MAD1L1: variants seen among roughly 807,000 people sequenced by gnomAD.
The protein encoded by MAD1L1 is mitotic spindle assembly checkpoint protein MAD1.
A neutral mutation model predicts 96.9 loss-of-function variants in MAD1L1; 95 were observed. That is an observed-to-expected ratio of 0.98 (90% confidence interval 0.83 to 1.16). MAD1L1 has a LOEUF of 1.16. MAD1L1 is among the 50% of genes most tolerant of loss of function. The pLI is 0.00. For synonymous variants in MAD1L1, 473 were observed against 396.6 expected (o/e 1.19, Z -2.29); for missense variants, 1,007 against 954.4 (o/e 1.06, Z -0.73).
chr7:1,821,885 C>G (rs2128620791), intron 18 of MAD1L1, among the ~76,000 whole-genome samples: 1 of 152,286 alleles, frequency 6.6e-6, no homozygotes, highest in South Asian at 2.1e-4. Context: ...GCTTTCCCCA[C>G]TCATCCTCAA....
Position 1,939,901 on chromosome 7 carries a change from G to C in MAD1L1, c.1597-3004C>G, listed in dbSNP as rs533059655. On this transcript the variant is annotated intron_variant, in intron 16 of 18. Coordinates refer to ENST00000265854, the MANE Select transcript of MAD1L1 (RefSeq NM_001013836.2). ...GAGCTCATCAGCCATGGGCAATCGTGGTCCCAGAGCCCAGAATGTGCCTCC... is the reference window on the plus strand; with the variant it reads ...GAGCTCATCAGCCATGGGCAATCGTCGTCCCAGAGCCCAGAATGTGCCTCC... 3.3e-5 allele frequency among the ~76,000 whole-genome samples: 5 copies of C among 152,328 alleles called. No homozygotes were observed. The East Asian group carries it at 9.7e-4, about 29-fold the overall frequency.
At chr7:2,183,359 A>C (rs1168730961) in intron 10 of MAD1L1, among the ~76,000 whole-genome samples, 1 of 152,222 alleles carries the variant, frequency 6.6e-6, no homozygotes, top group Non-Finnish European at 1.5e-5. Context: ...ATCCAGAATA[A>C]AGAACTTGGA....
At chr7:2,100,382 C>T (rs1168443006) in intron 11 of MAD1L1, among the ~76,000 whole-genome samples, 3 of 152,228 alleles carry the variant, frequency 2.0e-5, no homozygotes, top group African/African-American at 7.2e-5. Context: ...CACAGCCAGG[C>T]GCTTCTGAGC....
chr7:2,011,895 G>A (rs1203810074), intron 13 of MAD1L1, among the ~76,000 whole-genome samples: 1 of 152,186 alleles, frequency 6.6e-6, no homozygotes, highest in Non-Finnish European at 1.5e-5. Flanking sequence ...GGTACCCAGG[G>A]GGATGGGCAG....
chr7:2,230,915 C>A (rs973751286), intron 1 of MAD1L1, among the ~76,000 whole-genome samples, 188 bp from the exon 2 acceptor site: 2 of 152,212 alleles, frequency 1.3e-5, no homozygotes, highest in Admixed American at 6.5e-5. Context: ...ACACCCTCAA[C>A]AGGCACACCC....
chr7:1,950,061 G>A (rs1482045383), intron 16 of MAD1L1, among the ~76,000 whole-genome samples: 1 of 149,576 alleles, frequency 6.7e-6, no homozygotes, highest in Non-Finnish European at 1.5e-5. Flanking sequence ...TACTTGAGGG[G>A]ACAGCAGAGA....
intron 10 of MAD1L1, among the ~76,000 whole-genome samples, chr7:2,188,364 G>A (rs1321205287): frequency 2.0e-5 from 3 of 152,070 alleles, no homozygotes; most frequent in Non-Finnish European, 4.4e-5. Context: ...GAATCTCAAG[G>A]GACCCAAAGG....
At chr7:1,860,069 G>A (rs1441993510) in intron 18 of MAD1L1, among the ~76,000 whole-genome samples, 3 of 149,080 alleles carry the variant, frequency 2.0e-5, no homozygotes, top group African/African-American at 7.5e-5. Flanking sequence ...ATCTGGCGGG[G>A]CGGCCTCTGT....
chr7:1,929,819 T>A (rs1170166989), intron 17 of MAD1L1, among the ~76,000 whole-genome samples: 150 of 368 alleles, frequency 0.41, 11 homozygotes, highest in African/African-American at 0.46. Flanking sequence ...CACTGCCACG[T>A]CCCCTGCCCC....
intron 18 of MAD1L1, among the ~76,000 whole-genome samples, chr7:1,870,820 CCGA>C (rs1562475868): frequency 2.3e-5 from 1 of 43,462 alleles, no homozygotes; most frequent in Non-Finnish European, 3.8e-5. Flanking sequence ...CCACGCTGAA[CCGA>C]CCATAACACC....
intron 18 of MAD1L1, among the ~76,000 whole-genome samples, chr7:1,896,645 G>A (rs575565246): frequency 2.0e-5 from 3 of 152,340 alleles, no homozygotes; most frequent in Admixed American, 6.5e-5. Flanking sequence ...CACCTTTCGC[G>A]GGAAGATGAC....
chr7:1,843,173 C>G (rs553628473), intron 18 of MAD1L1, among the ~76,000 whole-genome samples: 1 of 152,296 alleles, frequency 6.6e-6, no homozygotes, highest in African/African-American at 2.4e-5. Context: ...TGGGTGCCCT[C>G]GTTGCCCTAC....
chr7:2,125,434 T>C lies in MAD1L1; in HGVS notation c.1073+23718A>G, dbSNP rs370491101. ...GGCGACAGCTCAAAACAATGGGTAG[T>C]GATGTCTCCGCAGCCTGGTGAGCGA... On this transcript the variant is annotated intron_variant, in intron 11 of 18. Transcript: ENST00000265854. Among the ~76,000 whole-genome samples the C allele has an allele frequency of 1.2e-4, 18 of 152,296 alleles. No homozygotes were observed. In the East Asian group the frequency reaches 2.5e-3, roughly 21 times the overall value.
rs1286456372 is a variant in MAD1L1 at position 1,873,038 on chromosome 7, C to T, written c.1998+25162G>A. Reference sequence around the variant, plus strand: ...TGAGAAACGGAGAGAAGAAAGGGCCCAGCCCAGCAATGACGCAACGAGTCA... The same window carrying T: ...TGAGAAACGGAGAGAAGAAAGGGCCTAGCCCAGCAATGACGCAACGAGTCA... On this transcript the variant is annotated intron_variant, in intron 18 of 18. Coordinates refer to ENST00000265854, the MANE Select transcript of MAD1L1 (RefSeq NM_001013836.2). 2.0e-5 allele frequency among the ~76,000 whole-genome samples: 3 copies of T among 152,250 alleles called. No homozygotes were observed. In the East Asian group the frequency reaches 5.8e-4, roughly 29 times the overall value.
At chr7:2,097,437 C>G (rs1786552106) in intron 11 of MAD1L1, among the ~76,000 whole-genome samples, 1 of 152,168 alleles carries the variant, frequency 6.6e-6, no homozygotes, top group Admixed American at 6.5e-5. Flanking sequence ...TCTCACTCCG[C>G]CCAGGCCTCA....
At chr7:1,935,984 C>G (rs1221959528) in intron 17 of MAD1L1, among the ~76,000 whole-genome samples, 23 of 152,228 alleles carry the variant, frequency 1.5e-4, no homozygotes, top group Admixed American at 1.5e-3. Flanking sequence ...TGCCCAGCTC[C>G]CTCCAACAGC....
chr7:2,203,838 C>CA (rs745961945), intron 10 of MAD1L1, among the ~76,000 whole-genome samples: 1 of 152,186 alleles, frequency 6.6e-6, no homozygotes. Flanking sequence ...GAACCGGGGC[C>CA]AAGCACAGCA....
At chr7:1,904,100 G>A (rs1400468409) in intron 17 of MAD1L1, among the ~76,000 whole-genome samples, 10 of 128,000 alleles carry the variant, frequency 7.8e-5, no homozygotes, top group African/African-American at 2.7e-4. Flanking sequence ...AGACGCTCTT[G>A]CGGAACTCAA....
chr7:2,213,560 C>T lies in MAD1L1; in HGVS notation c.925-287G>A, dbSNP rs1424899830. 2.6e-5 allele frequency among the ~76,000 whole-genome samples: 4 copies of T among 152,196 alleles called. No individual in the cohort carries two copies. In the East Asian group the frequency reaches 7.7e-4, roughly 29 times the overall value. On this transcript the variant is annotated intron_variant, in intron 9 of 18. Coordinates refer to ENST00000265854, the MANE Select transcript of MAD1L1 (RefSeq NM_001013836.2). ...AACGTGTGGCTGTGGAGGGAGAAGG[C>T]AGACAGCCTCAGAAAGGATCCTGGG...
Sources: allele counts gnomAD v4.1 joint callset (sites outside exome capture counted in the v4.1 genomes callset), GRCh38; gene constraint gnomAD v4.1.1; transcripts MANE v1.5; gene names NCBI Gene and HGNC (gene_info 2026-07-23, HGNC 2026-07-21).